Variants in KCNIP4 observed in about 807,000 individuals in gnomAD.
KCNIP4 encodes potassium voltage-gated channel interacting protein 4.
In KCNIP4, 12 loss-of-function variants were observed where a neutral mutation model predicts 34.0. The ratio of observed to expected loss-of-function variants is 0.35; its 90% CI spans 0.23 to 0.57. The LOEUF (loss-of-function observed/expected upper bound fraction) is 0.57, where lower values mean the gene tolerates loss of function less well. Among genes scored for constraint, KCNIP4 ranks in the 20% least tolerant of loss-of-function variants. The probability of loss-of-function intolerance (pLI) is 0.83; values close to 1 mark genes in which losing one functional copy is unlikely to be tolerated. For missense variants in KCNIP4, 238 were observed against 311.7 expected, an observed-to-expected ratio of 0.76 and a Z score of 1.78; for synonymous variants, 124 against 102.2, an observed-to-expected ratio of 1.21 and a Z score of -1.29.
chr4:21,381,540 A>G (rs116246190), intron 1 of KCNIP4, among the ~76,000 whole-genome samples: 4,002 of 152,306 alleles, frequency 0.026, 77 homozygotes, highest in Non-Finnish European at 0.041. Context: ...GAATGTTGTC[A>G]CTGAAATCAT....
chr4:21,895,661 C>A (rs1686322504), intron 1 of KCNIP4, among the ~76,000 whole-genome samples: 1 of 152,074 alleles, frequency 6.6e-6, no homozygotes, highest in African/African-American at 2.4e-5. Context: ...ATTAGGCCTG[C>A]AAAAGTAAGG....
intron 1 of KCNIP4, among the ~76,000 whole-genome samples, chr4:21,752,525 A>G (rs2109147091): frequency 1.3e-5 from 2 of 152,228 alleles, no homozygotes; most frequent in African/African-American, 4.8e-5. Context: ...GGGGATTCCA[A>G]TTCCAGATGA....
intron 1 of KCNIP4, chr4:21,845,528 T>G (rs539158392): frequency 2.0e-5 from 3 of 152,216 alleles, no homozygotes; most frequent in Admixed American, 2.0e-4. Flanking sequence ...GAAAATTCTT[T>G]TTTCCAAAAG....
At chr4:21,472,085 G>GGC (rs1273332842) in intron 1 of KCNIP4, among the ~76,000 whole-genome samples, 3 of 152,170 alleles carry the variant, frequency 2.0e-5, no homozygotes, top group Non-Finnish European at 4.4e-5. Context: ...AAGTTAACCA[G>GGC]AAATTCCTGA....
At chr4:21,410,529 C>A (rs1449056700) in intron 1 of KCNIP4, among the ~76,000 whole-genome samples, 2 of 152,110 alleles carry the variant, frequency 1.3e-5, no homozygotes, top group Admixed American at 1.3e-4. Flanking sequence ...AGAACGGAGG[C>A]CGCCTGCTGG....
At chr4:20,941,278 C>T (rs1731610746) in intron 1 of KCNIP4, among the ~76,000 whole-genome samples, 1 of 152,144 alleles carries the variant, frequency 6.6e-6, no homozygotes, top group Admixed American at 6.6e-5. Context: ...AATAATTTTT[C>T]CAACGTTAGT....
At chr4:21,522,099 T>A (rs1735576274) in intron 1 of KCNIP4, among the ~76,000 whole-genome samples, 1 of 152,092 alleles carries the variant, frequency 6.6e-6, no homozygotes, top group Non-Finnish European at 1.5e-5. Flanking sequence ...TAGAGGCAAA[T>A]AAGTTGACAG....
intron 1 of KCNIP4, among the ~76,000 whole-genome samples, chr4:21,038,221 C>T (rs760778649): frequency 3.3e-5 from 5 of 151,716 alleles, no homozygotes; most frequent in African/African-American, 7.3e-5. Context: ...GTGATCCACC[C>T]GCCTCAGCCT....
chr4:21,558,522 A>AAATATAT (rs1166900110), intron 1 of KCNIP4, among the ~76,000 whole-genome samples: 2 of 151,752 alleles, frequency 1.3e-5, no homozygotes, highest in Non-Finnish European at 2.9e-5. Context: ...ATATATAAAT[A>AAATATAT]AAACAAAATA....
intron 1 of KCNIP4, among the ~76,000 whole-genome samples, chr4:21,139,532 G>A (rs1435692679): frequency 6.6e-6 from 1 of 152,126 alleles, no homozygotes; most frequent in Non-Finnish European, 1.5e-5. Context: ...CAGCTCCTCA[G>A]GGATGGCTTC....
At position 21,246,593 on chromosome 4, in the gene KCNIP4, C is replaced by A. The variant is rs577132348; in HGVS notation, c.62-363884G>T. On this transcript the variant is annotated intron_variant, in intron 1 of 8. Coordinates refer to ENST00000382152, the MANE Select transcript of KCNIP4 (RefSeq NM_025221.6). ...TATTTTTGCATTTTTTTCCCTCAAG[C>A]AGCAGGCAATTTTGATACACCTACT... Among the ~76,000 whole-genome samples, 3 of 152,150 alleles carry A rather than the reference C, an allele frequency of 2.0e-5. No individual in the cohort carries two copies. In the South Asian group the frequency reaches 6.2e-4, roughly 32 times the overall value.
intron 1 of KCNIP4, among the ~76,000 whole-genome samples, chr4:21,094,744 C>G (rs926609438): frequency 2.6e-5 from 4 of 152,090 alleles, no homozygotes; most frequent in African/African-American, 7.2e-5. Flanking sequence ...AAGGCAGCTG[C>G]CACATTGTGA....
rs1553880905 is a variant in KCNIP4, at chr4:20,728,923, T to TAAAA, written c.*1155_*1158dup. 2.0e-5 allele frequency: 3 copies of TAAAA among 152,198 alleles called. No individual in the cohort carries two copies. Among genetic ancestry groups the TAAAA allele is most frequent in the Admixed American group, 2.0e-4 (3 of 15,266 alleles). The allele number at this position is 152,198 out of a possible 1,614,324, so 9.4% of individuals were successfully genotyped here. ...ACTTTACAGTTTTGGCTAAGATGATTAAAAATAATCTGAATTATGATGAGC... is the reference window on the plus strand; with the variant it reads ...ACTTTACAGTTTTGGCTAAGATGATTAAAAAAAAATAATCTGAATTATGATGAGC... On this transcript the variant is annotated 3_prime_UTR_variant, in exon 9 of 9. Transcript: ENST00000382152.
At chr4:21,858,523 C>G (rs1340087776) in intron 1 of KCNIP4, among the ~76,000 whole-genome samples, 1 of 152,182 alleles carries the variant, frequency 6.6e-6, no homozygotes, top group East Asian at 1.9e-4. Flanking sequence ...TTCCCTAACT[C>G]TCCATGGAGT....
At chr4:21,238,735 A>C (rs928750117) in intron 1 of KCNIP4, among the ~76,000 whole-genome samples, 1 of 152,250 alleles carries the variant, frequency 6.6e-6, no homozygotes, top group African/African-American at 2.4e-5. Flanking sequence ...AAGAGGATAC[A>C]AACAAATGGA....
intron 1 of KCNIP4, among the ~76,000 whole-genome samples, chr4:21,762,767 C>T (rs763661180): frequency 5.9e-5 from 9 of 152,082 alleles, no homozygotes; most frequent in Non-Finnish European, 1.3e-4. Flanking sequence ...GACTCTTCCA[C>T]GAGTCATCAA....
chr4:21,308,711 A>AGTGTGTGT lies in KCNIP4; in HGVS notation c.62-426010_62-426003dup, dbSNP rs10525935. 2.9e-3 allele frequency among the ~76,000 whole-genome samples: 431 copies of AGTGTGTGT among 149,974 alleles called. 4 individuals carry two copies. Among genetic ancestry groups the AGTGTGTGT allele is most frequent in the African/African-American group, 0.01 (409 of 40,688 alleles). On this transcript the variant is annotated intron_variant, in intron 1 of 8. Transcript: ENST00000382152. ...GAAAGTTCTGTGCCCCTGCCGTGTG[A>AGTGTGTGT]GTGTGTGTGTGTGTGTGTGTGTGTG...
chr4:21,281,909 C>T, intron 1 of KCNIP4, among the ~76,000 whole-genome samples: 1 of 152,252 alleles, frequency 6.6e-6, no homozygotes, highest in Middle Eastern at 3.4e-3. Flanking sequence ...AAAGAAAACA[C>T]AAAATGCTAT....
intron 2 of KCNIP4, among the ~76,000 whole-genome samples, chr4:20,877,317 A>G (rs1414189218): frequency 6.6e-6 from 1 of 152,216 alleles, no homozygotes; most frequent in African/African-American, 2.4e-5. Context: ...TGAATGTTTC[A>G]TAGCCTTATT....
Sources: allele counts gnomAD v4.1 joint callset (sites outside exome capture counted in the v4.1 genomes callset), GRCh38; gene constraint gnomAD v4.1.1; transcripts MANE v1.5; gene names NCBI Gene and HGNC (gene_info 2026-07-23, HGNC 2026-07-21).